Variants in ABCA6 observed in about 807,000 individuals in gnomAD.
ABCA6 encodes ATP-binding cassette sub-family A member 6.
ABCA6 carries 164 observed loss-of-function variants against 191.2 expected under a neutral mutation model. The observed-to-expected ratio is 0.86, with a 90% CI of 0.76 to 0.98. The LOEUF (loss-of-function observed/expected upper bound fraction) is 0.98. ABCA6 is among the 50% of genes least tolerant of loss of function. ABCA6 has a pLI of 0.00. For missense variants in ABCA6, 1,958 were observed against 1,894.1 expected (o/e 1.03, Z -0.63); for synonymous variants, 636 against 647.7 (o/e 0.98, Z 0.27).
At chr17:69,091,758 G>A (rs189468363) in intron 25 of ABCA6, among the ~76,000 whole-genome samples, 471 of 20,190 alleles carry the variant, frequency 0.023, 168 homozygotes, top group Admixed American at 0.14. Context: ...TCCTGACCTC[G>A]TGATCCGCCC....
intron 10 of ABCA6, 82 bp downstream of exon 10, chr17:69,123,156 AG>A: frequency 1.1e-6 from 1 of 903,638 alleles, no homozygotes; most frequent in Non-Finnish European, 1.4e-6. Context: ...TAAAACTTAA[AG>A]TATAATAATA....
intron 10 of ABCA6, among the ~76,000 whole-genome samples, chr17:69,120,700 C>G (rs908107996): frequency 2.6e-5 from 4 of 151,854 alleles, no homozygotes; most frequent in African/African-American, 9.7e-5. Flanking sequence ...AAGAAAATTC[C>G]ATTTAGGAGG....
chr17:69,139,839 T>C (rs573012937), intron 2 of ABCA6, among the ~76,000 whole-genome samples: 1 of 151,550 alleles, frequency 6.6e-6, no homozygotes, highest in Admixed American at 6.6e-5. Flanking sequence ...CAGTAAACTA[T>C]TGCAAGGACA....
chr17:69,140,711 A>G lies in ABCA6; in HGVS notation c.-8T>C, dbSNP rs1252268030. 3.2e-6 allele frequency: 5 copies of G among 1,549,654 alleles called. No homozygotes were observed. The highest frequency in any genetic ancestry group is 2.5e-5 in the South Asian group (2 of 79,778). ...TTTCTGTTTCATATTCATTTAGCCT[A>G]TTCGCTGAAGGAGAAAGTAATCATG... On this transcript the variant is annotated 5_prime_UTR_variant, in exon 2 of 39. The change abolishes the stop of an existing upstream ORF in the 5' untranslated region. Coordinates refer to ENST00000284425, the MANE Select transcript of ABCA6 (RefSeq NM_080284.3).
chr17:69,082,517 A>T, intron 36 of ABCA6, among the ~76,000 whole-genome samples: 1 of 152,270 alleles, frequency 6.6e-6, no homozygotes. Context: ...CATCTTTTAA[A>T]TTTTAAATAT....
chr17:69,136,127 C>T lies in ABCA6; in HGVS notation c.425G>A (p.Gly142Glu). The change falls in exon 4 of 39, where the codon GGA becomes GAA. Residue 142 changes from glycine (G) to glutamate (E), a missense_variant. Gly to Glu is a moderately conservative substitution (Grantham distance 98). Coordinates refer to ENST00000284425, the MANE Select transcript of ABCA6 (RefSeq NM_080284.3). Reference sequence around the variant, plus strand: ...TTCTTTCCAAAGTGGACTGTTATATCCCTGGAAAAATATTAACTTATAAGA... The same window carrying T: ...TTCTTTCCAAAGTGGACTGTTATATTCCTGGAAAAATATTAACTTATAAGA... The part of the protein sequence containing the change: ...TFSYKLIFFQ[G>E]YNSPLWKEDF... The T allele has an allele frequency of 6.2e-7, 1 of 1,610,162 alleles. No individual in the cohort carries two copies.
At chr17:69,086,782 T>A in intron 29 of ABCA6, 47 bp from the exon 30 acceptor site, 2 of 1,344,642 alleles carry the variant, frequency 1.5e-6, no homozygotes, top group Non-Finnish European at 2.1e-6. Context: ...TCAGAGACTT[T>A]AGGTCTCTGC....
At chr17:69,092,485 G>C (rs545760593) in intron 25 of ABCA6, among the ~76,000 whole-genome samples, 1 of 152,272 alleles carries the variant, frequency 6.6e-6, no homozygotes, top group South Asian at 2.1e-4. Flanking sequence ...TGGAACAAGA[G>C]AGGAGTCTAA....
intron 31 of ABCA6, 41 bp downstream of exon 31, chr17:69,085,584 T>G: frequency 5.1e-6 from 7 of 1,380,612 alleles, no homozygotes; most frequent in Non-Finnish European, 7.2e-6. Flanking sequence ...ATACGTATCA[T>G]GAAATTCCTG....
At chr17:69,079,643 C>T (rs778246923) in intron 37 of ABCA6, among the ~76,000 whole-genome samples, 4 of 152,196 alleles carry the variant, frequency 2.6e-5, no homozygotes, top group Non-Finnish European at 5.9e-5. Flanking sequence ...TCTGTTATAT[C>T]ACCTCTCTGC....
Position 69,129,679 on chromosome 17 carries a change from G to A in ABCA6, c.864C>T (p.Phe288=). Residue 288 remains phenylalanine (F), a synonymous_variant, in exon 7 of 39, where the codon TTC becomes TTT. Coordinates refer to ENST00000284425, the MANE Select transcript of ABCA6 (RefSeq NM_080284.3). ...ISIFVTIIIT[F]TQIIVMTGFM... ...AGCCAGTCATGACTATAATTTGGGT[G>A]AATGTTATGATAATTGTAACGAATA... 6.2e-7 allele frequency: 1 copy of A among 1,603,356 alleles called. No individual in the cohort carries two copies.
intron 10 of ABCA6, among the ~76,000 whole-genome samples, chr17:69,122,613 G>T (rs78876178): frequency 0.035 from 5,302 of 152,056 alleles, 108 homozygotes; most frequent in Non-Finnish European, 0.049. Context: ...TTCTGATTCA[G>T]AATTTCTTAC....
At chr17:69,084,582 G>A (rs905505815) in intron 32 of ABCA6, 75 bp from the exon 33 acceptor site, 3 of 1,252,408 alleles carry the variant, frequency 2.4e-6, no homozygotes, top group Non-Finnish European at 3.5e-6. Context: ...AACAGTAACA[G>A]CATTAGAGGG....
intron 23 of ABCA6, among the ~76,000 whole-genome samples, chr17:69,097,208 T>G (rs186735876): frequency 1.3e-5 from 2 of 152,064 alleles, no homozygotes; most frequent in African/African-American, 2.4e-5. Flanking sequence ...CTGGCTAACA[T>G]GGTGAAAGCC....
intron 17 of ABCA6, 41 bp from the exon 18 acceptor site, chr17:69,107,853 A>G (rs2073338824): frequency 1.8e-6 from 2 of 1,135,368 alleles, no homozygotes; most frequent in Admixed American, 3.7e-5. Flanking sequence ...GGAAAACCAC[A>G]TTGAGAACTA....
chr17:69,092,258 G>A (rs1256753294), intron 25 of ABCA6, among the ~76,000 whole-genome samples: 1 of 152,070 alleles, frequency 6.6e-6, no homozygotes, highest in African/African-American at 2.4e-5. Flanking sequence ...AATCATAATT[G>A]CTAAATTCAC....
chr17:69,118,340 C>T (rs1294044749), intron 10 of ABCA6, among the ~76,000 whole-genome samples: 1 of 152,078 alleles, frequency 6.6e-6, no homozygotes, highest in Non-Finnish European at 1.5e-5. Flanking sequence ...GTTTATGAGT[C>T]AGACACTCTG....
intron 10 of ABCA6, among the ~76,000 whole-genome samples, chr17:69,120,062 G>A (rs139290630): frequency 6.6e-6 from 1 of 152,030 alleles, no homozygotes; most frequent in Non-Finnish European, 1.5e-5. Context: ...AACACACAGA[G>A]CTATATCACA....
chr17:69,098,597 C>A (rs1472414605), intron 22 of ABCA6: 4 of 118,872 alleles, frequency 3.4e-5, no homozygotes, highest in Non-Finnish European at 6.6e-5. Flanking sequence ...TGCACTGCAG[C>A]CTGAGCAACA....
Sources: gnomAD v4.1 joint callset for allele counts (sites outside exome capture counted in the v4.1 genomes callset) on GRCh38, gnomAD v4.1.1 for gene constraint, MANE v1.5 for transcripts, NCBI Gene and HGNC (gene_info 2026-07-23, HGNC 2026-07-21) for gene names.